The following KIAA1549L variants were observed in gnomAD, a reference collection of about 807,000 sequenced individuals.
The protein encoded by KIAA1549L is KIAA1549 like.
In KIAA1549L, 88 loss-of-function variants were observed where a neutral mutation model predicts 160.7. The observed-to-expected ratio is 0.55, with a 90% CI of 0.46 to 0.65. The LOEUF (loss-of-function observed/expected upper bound fraction) is 0.65, where lower values mean the gene tolerates loss of function less well. Among genes scored for constraint, KIAA1549L ranks in the 30% least tolerant of loss-of-function variants. The pLI is 0.00. For synonymous variants in KIAA1549L, 950 were observed against 976.7 expected (o/e 0.97, Z 0.51); for missense variants, 2,258 against 2,437.5 (o/e 0.93, Z 1.55).
intron 1 of KIAA1549L, chr11:33,403,113 C>T (rs1461523619): frequency 1.3e-5 from 2 of 151,280 alleles, no homozygotes; most frequent in Non-Finnish European, 2.9e-5. Context: ...GTAGTCTCTT[C>T]TAAATTATTT....
intron 1 of KIAA1549L, among the ~76,000 whole-genome samples, chr11:33,383,287 A>G (rs1016226194): frequency 1.4e-5 from 2 of 144,588 alleles, no homozygotes; most frequent in Non-Finnish European, 3.0e-5. Flanking sequence ...TTTTTTTTTT[A>G]AAGACAAACA....
chr11:33,542,384 C>T lies in KIAA1549L; in HGVS notation c.821C>T (p.Pro274Leu). The T allele has an allele frequency of 7.9e-7, 1 of 1,273,264 alleles. No homozygotes were observed. Among genetic ancestry groups the T allele is most frequent in the Non-Finnish European group, 1.1e-6 (1 of 917,310 alleles). 78.9% of individuals were successfully genotyped at this position (1,273,264 alleles called of 1,614,324 possible). The change falls in exon 2 of 21, where the codon CCC (proline) becomes CTC (leucine). Residue 274 changes from proline (P) to leucine (L), a missense_variant. This residue lies in a region of KIAA1549L where 540 missense variants were observed against 465.7 expected (regional missense o/e 1.16). Coordinates refer to ENST00000658780, the MANE Select transcript of KIAA1549L (RefSeq NM_012194.3). Reference protein sequence around the residue: ...AEQSPKVLLVPQTAPADPSLG... With the variant: ...AEQSPKVLLVLQTAPADPSLG... ...CAATCCCCCAAAGTGCTGTTAGTTC[C>T]CCAAACAGCTCCAGCCGACCCCTCT...
chr11:33,477,310 T>C (rs561976009), intron 1 of KIAA1549L, among the ~76,000 whole-genome samples: 2 of 152,248 alleles, frequency 1.3e-5, no homozygotes, highest in East Asian at 3.9e-4. Context: ...GAGAAGTCTG[T>C]CTCTGATACT....
At chr11:33,612,047 T>C (rs1191221597) in intron 15 of KIAA1549L, among the ~76,000 whole-genome samples, 1 of 152,132 alleles carries the variant, frequency 6.6e-6, no homozygotes, top group East Asian at 1.9e-4. Flanking sequence ...GGTTTCATGA[T>C]CATAAAGCAC....
intron 1 of KIAA1549L, among the ~76,000 whole-genome samples, chr11:33,430,330 T>C (rs1851213345): frequency 6.8e-6 from 1 of 147,770 alleles, no homozygotes; most frequent in African/African-American, 2.5e-5. Context: ...TTGAACAGAC[T>C]CTTTTCTGTA....
intron 1 of KIAA1549L, among the ~76,000 whole-genome samples, chr11:33,401,581 TA>T: frequency 6.6e-6 from 1 of 151,982 alleles, no homozygotes; most frequent in South Asian, 2.1e-4. Flanking sequence ...TTTTTTTTTT[TA>T]GACAGGTCTT....
Position 33,543,425 on chromosome 11 carries a change from C to T in KIAA1549L, c.1862C>T (p.Pro621Leu). ...IITAPRTNPL[P>L]SGPPLPSILS... is the part of the protein sequence containing the mutation. ...ACAGCACCAAGGACGAATCCCCTTCCTTCAGGACCACCTCTACCTTCCATA... is the reference window on the plus strand; with the variant it reads ...ACAGCACCAAGGACGAATCCCCTTCTTTCAGGACCACCTCTACCTTCCATA... The change falls in exon 2 of 21, where the codon CCT becomes CTT. Residue 621 changes from proline to leucine, a missense_variant. Physicochemically the swap from Pro to Leu is moderately conservative, Grantham distance 98 (BLOSUM62 -3). Transcript: ENST00000658780. 1 of 1,614,040 alleles carries T rather than the reference C, an allele frequency of 6.2e-7. No homozygotes were observed. The highest frequency in any genetic ancestry group is 1.7e-5 in the Admixed American group (1 of 60,034).
intron 1 of KIAA1549L, among the ~76,000 whole-genome samples, chr11:33,383,451 G>A (rs942478979): frequency 6.6e-6 from 1 of 152,062 alleles, no homozygotes; most frequent in Non-Finnish European, 1.5e-5. Flanking sequence ...GACTCTCTTT[G>A]GGGACTTCAG....
At chr11:33,608,323 T>G (rs73477246) in intron 14 of KIAA1549L, among the ~76,000 whole-genome samples, 5,142 of 152,314 alleles carry the variant, frequency 0.034, 136 homozygotes, top group African/African-American at 0.068. Context: ...TGATGATGAT[T>G]ATTATTATTA....
chr11:33,397,866 G>T (rs1315036751), intron 1 of KIAA1549L, among the ~76,000 whole-genome samples: 2 of 145,238 alleles, frequency 1.4e-5, no homozygotes, highest in African/African-American at 2.6e-5. Flanking sequence ...TTGTTTATTT[G>T]TTTTTTTTAA....
chr11:33,539,505 A>C (rs1355442673), intron 1 of KIAA1549L, among the ~76,000 whole-genome samples: 1 of 152,226 alleles, frequency 6.6e-6, no homozygotes, highest in Non-Finnish European at 1.5e-5. Flanking sequence ...TGCTACCTAT[A>C]TATCCTTTGT....
chr11:33,459,967 A>AAAAAAAAAAAT, intron 1 of KIAA1549L, among the ~76,000 whole-genome samples: 1 of 148,802 alleles, frequency 6.7e-6, no homozygotes, highest in African/African-American at 2.5e-5. Flanking sequence ...TCTCAAAAAA[A>AAAAAAAAAAAT]AAAAAAAAAA....
chr11:33,402,096 C>T (rs1461688116), intron 1 of KIAA1549L, among the ~76,000 whole-genome samples: 1 of 152,180 alleles, frequency 6.6e-6, no homozygotes, highest in African/African-American at 2.4e-5. Flanking sequence ...GTTACAACTC[C>T]AGCATAGACT....
chr11:33,435,019 G>A (rs905292436), intron 1 of KIAA1549L, among the ~76,000 whole-genome samples: 15 of 152,198 alleles, frequency 9.9e-5, no homozygotes, highest in African/African-American at 3.6e-4. Context: ...ATAGAATGAT[G>A]TTGGCTCACA....
At chr11:33,633,310 A>G (rs565782531) in intron 16 of KIAA1549L, among the ~76,000 whole-genome samples, 1 of 151,740 alleles carries the variant, frequency 6.6e-6, no homozygotes, top group East Asian at 1.9e-4. Flanking sequence ...CCCTCTTGTC[A>G]TCTTTGGTTG....
At position 33,544,352 on chromosome 11, in the gene KIAA1549L, C is replaced by T. The variant is rs548305207; in HGVS notation, c.2773+16C>T. The T allele has an allele frequency of 3.1e-6, 5 of 1,612,096 alleles. No individual in the cohort carries two copies. In the Admixed American group the frequency reaches 6.7e-5, roughly 22 times the overall value. ...AAATGGACAGGTGCAGCCACTAATG[C>T]AGGTAGTTTGTTTCCCGGTACCCCC... On this transcript the variant is annotated intron_variant, in intron 2 of 20. Coordinates refer to ENST00000658780, the MANE Select transcript of KIAA1549L (RefSeq NM_012194.3).
intron 10 of KIAA1549L, among the ~76,000 whole-genome samples, chr11:33,583,055 A>G (rs912562768): frequency 5.3e-5 from 8 of 152,200 alleles, no homozygotes; most frequent in Non-Finnish European, 1.0e-4. Context: ...TCCTCTCAGT[A>G]GTAGTGAACT....
intron 3 of KIAA1549L, among the ~76,000 whole-genome samples, 187 bp from the exon 4 acceptor site, chr11:33,547,577 C>T (rs2133189838): frequency 6.6e-6 from 1 of 152,314 alleles, no homozygotes; most frequent in Non-Finnish European, 1.5e-5. Flanking sequence ...TGGCTAGGGC[C>T]TTCTTTCCTT....
chr11:33,630,751 C>T (rs990671931), intron 16 of KIAA1549L, among the ~76,000 whole-genome samples: 2 of 152,216 alleles, frequency 1.3e-5, no homozygotes, highest in Non-Finnish European at 2.9e-5. Flanking sequence ...CTGCGTCGCT[C>T]ACGCTGGGAG....
Sources: allele counts gnomAD v4.1 joint callset (sites outside exome capture counted in the v4.1 genomes callset), GRCh38; gene constraint gnomAD v4.1.1; regional missense constraint gnomAD v4.1.1; transcripts MANE v1.5; gene names NCBI Gene and HGNC (gene_info 2026-07-23, HGNC 2026-07-21).